Variants in SLC6A7 observed in about 807,000 individuals in gnomAD.
SLC6A7 encodes the protein sodium-dependent proline transporter.
A neutral mutation model predicts 73.1 loss-of-function variants in SLC6A7; 58 were observed. That is an observed-to-expected ratio of 0.79 (90% CI 0.64 to 0.99). SLC6A7 has a LOEUF of 0.99. Ranked by LOEUF, SLC6A7 falls within the 50% of genes least tolerant of loss-of-function variation. SLC6A7 has a pLI of 0.00. For synonymous variants in SLC6A7, 338 were observed against 338.7 expected (o/e 1.00, Z 0.02); for missense variants, 783 against 831.4 (o/e 0.94, Z 0.72).
chr5:150,195,456 G>T (rs568279532), intron 2 of SLC6A7, among the ~76,000 whole-genome samples: 1 of 152,188 alleles, frequency 6.6e-6, no homozygotes, highest in African/African-American at 2.4e-5. Context: ...ATTAGCAAAA[G>T]CTGGGGCTGA....
Position 150,197,169 on chromosome 5 carries a change from C to A in SLC6A7, c.477C>A (p.Asn159Lys). Reference protein sequence around the residue: ...TSDLPWEHCGNWWNTELCLEH... With the variant: ...TSDLPWEHCGKWWNTELCLEH... Reference sequence around the variant, plus strand: ...ACCTACCCTGGGAGCACTGTGGCAACTGGTGGAACACAGAACTCTGCCTGG... The same window carrying A: ...ACCTACCCTGGGAGCACTGTGGCAAATGGTGGAACACAGAACTCTGCCTGG... Residue 159 changes from asparagine (N) to lysine (K), a missense_variant, in exon 4 of 14, where the codon AAC (asparagine) becomes AAA (lysine). Transcript: ENST00000230671. 1.9e-6 allele frequency: 3 copies of A among 1,614,098 alleles called. No homozygotes were observed. The highest frequency in any genetic ancestry group is 2.5e-6 in the Non-Finnish European group (3 of 1,180,030).
At position 150,204,940 on chromosome 5, in the gene SLC6A7, G is replaced by T. The variant is rs1753607067; in HGVS notation, c.1533+13G>T. On this transcript the variant is annotated intron_variant, in intron 12 of 13. Transcript: ENST00000230671. ...AGCCACGCTCTTGGTAACTGGGGAGGGCGGGAGGGTTTCTGGCTGGGGCCC... is the reference window on the plus strand; with the variant it reads ...AGCCACGCTCTTGGTAACTGGGGAGTGCGGGAGGGTTTCTGGCTGGGGCCC... 2 of 1,419,736 alleles carry T rather than the reference G, an allele frequency of 1.4e-6. No homozygotes were observed. Among genetic ancestry groups the T allele is most frequent in the South Asian group, 1.1e-5 (1 of 87,008 alleles). 87.9% of individuals were successfully genotyped at this position (1,419,736 alleles called of 1,614,324 possible).
intron 2 of SLC6A7, 133 bp from the exon 3 acceptor site, chr5:150,196,583 T>C (rs551274032): frequency 3.4e-6 from 3 of 873,718 alleles, no homozygotes. Context: ...CAGTCTGGTA[T>C]AGAAGAAAAG....
At chr5:150,202,998 C>T (rs186435629) in intron 8 of SLC6A7, among the ~76,000 whole-genome samples, 76 of 151,566 alleles carry the variant, frequency 5.0e-4, no homozygotes, top group African/African-American at 1.8e-3. Flanking sequence ...CGCTTGAACC[C>T]GGGAGGTGGA....
chr5:150,202,684 G>A lies in SLC6A7; in HGVS notation c.1068G>A (p.Val356=). Residue 356 remains valine (V), a synonymous_variant, in exon 8 of 14, where the codon GTG becomes GTA. Transcript: ENST00000230671. The part of the protein sequence containing the change: ...GYMSQELGVP[V]DQVAKAGPGL... ...TGTCTCAGGAGCTGGGCGTGCCTGT[G>A]GACCAAGTAGCCAAAGCAGGTGGGC... 1 of 1,614,156 alleles carries A rather than the reference G, an allele frequency of 6.2e-7. No homozygotes were observed. Among genetic ancestry groups the A allele is most frequent in the Non-Finnish European group, 8.5e-7 (1 of 1,180,004 alleles).
At chr5:150,202,144 G>A (rs1753414469) in intron 6 of SLC6A7, among the ~76,000 whole-genome samples, 1 of 152,198 alleles carries the variant, frequency 6.6e-6, no homozygotes, top group South Asian at 2.1e-4. Context: ...CCCGCAGAGG[G>A]GAAGGGACTT....
At chr5:150,191,139 C>T (rs1037069803) in intron 1 of SLC6A7, among the ~76,000 whole-genome samples, 1 of 152,310 alleles carries the variant, frequency 6.6e-6, no homozygotes, top group South Asian at 2.1e-4. Context: ...CTATTTCTGC[C>T]GCTGCCACTT....
chr5:150,209,151 A>G (rs1218812900), intron 13 of SLC6A7, among the ~76,000 whole-genome samples: 1 of 152,262 alleles, frequency 6.6e-6, no homozygotes. Flanking sequence ...ATTACAGACC[A>G]GGAAGCAGAG....
At chr5:150,206,633 T>C (rs1753715170) in intron 13 of SLC6A7, among the ~76,000 whole-genome samples, 1 of 152,192 alleles carries the variant, frequency 6.6e-6, no homozygotes, top group African/African-American at 2.4e-5. Context: ...GCCTCCCCCA[T>C]CCTGCTGCCA....
At chr5:150,206,488 T>G (rs1753706812) in intron 13 of SLC6A7, among the ~76,000 whole-genome samples, 1 of 152,208 alleles carries the variant, frequency 6.6e-6, no homozygotes, top group Non-Finnish European at 1.5e-5. Flanking sequence ...GGGCCTCCCT[T>G]GCACCCCACC....
intron 1 of SLC6A7, among the ~76,000 whole-genome samples, chr5:150,193,242 T>C (rs1752865330): frequency 6.6e-6 from 1 of 152,200 alleles, no homozygotes; most frequent in Non-Finnish European, 1.5e-5. Context: ...GTGGTCACCA[T>C]CACTGAGGGT....
intron 1 of SLC6A7, among the ~76,000 whole-genome samples, chr5:150,191,667 T>C (rs1447431154): frequency 6.6e-6 from 1 of 152,136 alleles, no homozygotes; most frequent in African/African-American, 2.4e-5. Flanking sequence ...TCTGACCTCG[T>C]GATCCGCCCG....
chr5:150,190,111 C>G lies in SLC6A7; in HGVS notation c.-217C>G, dbSNP rs2113961012. On this transcript the variant is annotated 5_prime_UTR_variant, in exon 1 of 14. Transcript: ENST00000230671. ...TGCGGGCGCAGCAGTGCACCCTTCC[C>G]CAGCCTCGGGCGCTGCGCAGGGACA... 1 of 454,148 alleles carries G rather than the reference C, an allele frequency of 2.2e-6. No individual in the cohort carries two copies. The highest frequency in any genetic ancestry group is 2.1e-5 in the African/African-American group (1 of 48,184). The allele number at this position is 454,148 out of a possible 1,614,324, so 28.1% of individuals were successfully genotyped here.
rs751132449 is a variant in SLC6A7, at chr5:150,203,687, G to A, written c.1108G>A (p.Val370Ile). The A allele has an allele frequency of 3.8e-5, 61 of 1,610,180 alleles. 2 individuals are homozygous for A. The highest frequency in any genetic ancestry group is 1.1e-4 in the South Asian group (10 of 91,002). The change falls in exon 9 of 14, where the codon GTC (valine) becomes ATC (isoleucine). Residue 370 changes from valine (V) to isoleucine (I), a missense_variant. Transcript: ENST00000230671. ...CCCAGGCCCTGGCCTGGCCTTTGTC[G>A]TCTACCCACAGGCCATGACCATGCT... Reference protein sequence around the residue: ...AKAGPGLAFVVYPQAMTMLPL... With the variant: ...AKAGPGLAFVIYPQAMTMLPL...
chr5:150,195,969 A>G (rs1319087444), intron 2 of SLC6A7, among the ~76,000 whole-genome samples: 5 of 152,192 alleles, frequency 3.3e-5, no homozygotes, highest in Non-Finnish European at 7.3e-5. Flanking sequence ...AGGTGGCCAC[A>G]GACAACTCTG....
chr5:150,194,659 G>A, intron 1 of SLC6A7, 69 bp from the exon 2 acceptor site: 1 of 1,161,376 alleles, frequency 8.6e-7, no homozygotes. Flanking sequence ...CCAGAGTCTT[G>A]TCTTGAGGTC....
At chr5:150,208,028 T>C (rs1002323714) in intron 13 of SLC6A7, among the ~76,000 whole-genome samples, 2 of 151,828 alleles carry the variant, frequency 1.3e-5, no homozygotes, top group Admixed American at 1.3e-4. Flanking sequence ...ACAGCCCCCA[T>C]AACACAGAAT....
At chr5:150,205,685 C>T in intron 13 of SLC6A7, 62 bp downstream of exon 13, 1 of 1,415,234 alleles carries the variant, frequency 7.1e-7, no homozygotes, top group Non-Finnish European at 9.6e-7. Context: ...CCTAGGTCCC[C>T]CTGCTAGAAC....
At position 150,203,697 on chromosome 5, in the gene SLC6A7, A is replaced by G. The variant is rs1398466689; in HGVS notation, c.1118A>G (p.Gln373Arg). Residue 373 changes from glutamine to arginine, a missense_variant, in exon 9 of 14, where the codon CAG becomes CGG. Transcript: ENST00000230671. ...GPGLAFVVYPQAMTMLPLSPF... is the reference protein window; with the variant it reads ...GPGLAFVVYPRAMTMLPLSPF... ...GGCCTGGCCTTTGTCGTCTACCCAC[A>G]GGCCATGACCATGCTGCCTCTGTCA... 1 of 1,612,044 alleles carries G rather than the reference A, an allele frequency of 6.2e-7. No individual in the cohort carries two copies. Among genetic ancestry groups the G allele is most frequent in the Admixed American group, 1.7e-5 (1 of 60,010 alleles).
Sources: gnomAD v4.1 joint callset for allele counts (sites outside exome capture counted in the v4.1 genomes callset) on GRCh38, gnomAD v4.1.1 for gene constraint, MANE v1.5 for transcripts, NCBI Gene and HGNC (gene_info 2026-07-23, HGNC 2026-07-21) for gene names.